ASB10: variants seen among roughly 807,000 people sequenced by gnomAD.
ASB10 encodes ankyrin repeat and SOCS box containing 10, also known as ankyrin repeat and SOCS box protein 10.
Under a neutral mutation model 35.4 loss-of-function variants are expected in ASB10, and 44 were observed. The ratio of observed to expected loss-of-function variants is 1.24; its 90% CI spans 0.98 to 1.60. ASB10 has a LOEUF of 1.60. Ranked by LOEUF, ASB10 falls within the 40% of genes most tolerant of loss-of-function variation. The probability of loss-of-function intolerance (pLI) is 0.00; values close to 1 mark genes in which losing one functional copy is unlikely to be tolerated. For missense variants in ASB10, 647 were observed against 634.3 expected, an observed-to-expected ratio of 1.02 and a Z score of -0.22; for synonymous variants, 294 against 280.4, an observed-to-expected ratio of 1.05 and a Z score of -0.49.
upstream of ASB10, chr7:151,187,709 T>C (rs1801630303): frequency 6.8e-7 from 1 of 1,472,366 alleles, no homozygotes; most frequent in African/African-American, 1.4e-5. This position sits in a 1 kb window ranked among gnomAD's most constrained non-coding sequence, Gnocchi z 5.3. Context: ...AGAGGAGTTC[T>C]TTCCCCAGGG....
chr7:151,181,549 C>A (rs924278227), intron 2 of ASB10, 91 bp from the exon 3 acceptor site: 3 of 1,450,282 alleles, frequency 2.1e-6, no homozygotes, highest in Middle Eastern at 1.8e-4. Context: ...TCTCCCCCCA[C>A]CCACCCTCCA....
rs776833039 is a variant in ASB10 at position 151,181,425 on chromosome 7, T to C, written c.618A>G (p.Arg206=). The change falls in exon 3 of 6, where the codon AGA becomes AGG. Residue 206 remains arginine (R), a synonymous_variant. Coordinates refer to ENST00000420175, the MANE Select transcript of ASB10 (RefSeq NM_001142459.2). The part of the protein sequence containing the change: ...CAELLLRFGA[R]VDGRSEEEEE... ...CTTCTTCCTCGGACCGACCATCCACTCTCGCTCCAAACCTGAGGAGCAGCT... is the reference window on the plus strand; with the variant it reads ...CTTCTTCCTCGGACCGACCATCCACCCTCGCTCCAAACCTGAGGAGCAGCT... The C allele has an allele frequency of 2.5e-6, 4 of 1,605,966 alleles. No individual in the cohort carries two copies. The highest frequency in any genetic ancestry group is 1.7e-6 in the Non-Finnish European group (2 of 1,175,070).
chr7:151,180,070 G>A (rs964337697), intron 3 of ASB10, among the ~76,000 whole-genome samples: 2 of 152,212 alleles, frequency 1.3e-5, no homozygotes, highest in African/African-American at 4.8e-5. Context: ...GGCTGGGTGG[G>A]ACAACACTCT....
At chr7:151,187,683 G>A (rs867347064), upstream of ASB10, 1 of 1,501,168 alleles carries the variant, frequency 6.7e-7, no homozygotes, top group Non-Finnish European at 8.9e-7. The surrounding 1 kb of genome is among the most constrained non-coding windows in gnomAD (Gnocchi z 5.3). Context: ...CACCCCAGAT[G>A]GTGTCCCCAG....
chr7:151,183,082 C>T (rs541582348), intron 2 of ASB10, among the ~76,000 whole-genome samples: 17 of 152,276 alleles, frequency 1.1e-4, no homozygotes, highest in East Asian at 1.9e-4. Flanking sequence ...CTGTGGCTAT[C>T]GAGTTCTTGA....
chr7:151,178,198 G>A (rs1469103878), intron 3 of ASB10, among the ~76,000 whole-genome samples: 5 of 152,348 alleles, frequency 3.3e-5, no homozygotes, highest in South Asian at 2.1e-4. Context: ...GCAGTGAGCC[G>A]GGATCGTGCC....
In ASB10 at chr7:151,181,453, G is replaced by T. The variant is rs151344607; in HGVS notation, c.590C>A (p.Ala197Glu). 6 of 1,588,234 alleles carry T rather than the reference G, an allele frequency of 3.8e-6. No individual in the cohort carries two copies. The highest frequency in any genetic ancestry group is 1.1e-5 in the South Asian group (1 of 88,170). The change falls in exon 3 of 6, where the codon GCG becomes GAG. Residue 197 changes from alanine (A) to glutamate (E), a missense_variant. Physicochemically the swap from Ala to Glu is moderately radical, Grantham distance 107. Transcript: ENST00000420175. ...CGCTCCAAACCTGAGGAGCAGCTCCGCACACCTATTGGGGGGAGACGGTGG... is the reference window on the plus strand; with the variant it reads ...CGCTCCAAACCTGAGGAGCAGCTCCTCACACCTATTGGGGGGAGACGGTGG... Reference protein sequence around the residue: ...LCRGPGTLECAELLLRFGARV... With the variant: ...LCRGPGTLECEELLLRFGARV...
chr7:151,187,758 C>T, upstream of ASB10: 1 of 1,450,086 alleles, frequency 6.9e-7, no homozygotes, highest in Non-Finnish European at 9.1e-7. This position sits in a 1 kb window ranked among gnomAD's most constrained non-coding sequence, Gnocchi z 5.3. Flanking sequence ...GCACGACTCC[C>T]AGCGATGTTG....
In ASB10 at chr7:151,181,217, G is replaced by T; in HGVS notation, c.826C>A (p.Leu276Met). The T allele has an allele frequency of 6.2e-7, 1 of 1,612,932 alleles. No individual in the cohort carries two copies. Among genetic ancestry groups the T allele is most frequent in the Non-Finnish European group, 8.5e-7 (1 of 1,179,892 alleles). ...CCAGCTGAAAGCAGCAAGCTGCACA[G>T]CTGCAGGCAGCGGGCGGTGGTGGCC... ...AEATTARCLQ[L>M]CSLLLSAGAD... The change falls in exon 3 of 6, where the codon CTG becomes ATG. Residue 276 changes from leucine to methionine, a missense_variant. Leu to Met is a conservative substitution (Grantham distance 15). Coordinates refer to ENST00000420175, the MANE Select transcript of ASB10 (RefSeq NM_001142459.2).
At chr7:151,179,163 T>C (rs1220524242) in intron 3 of ASB10, among the ~76,000 whole-genome samples, 1 of 152,250 alleles carries the variant, frequency 6.6e-6, no homozygotes, top group Non-Finnish European at 1.5e-5. Flanking sequence ...TGTTAAGCAC[T>C]AGGCTTGATG....
rs777336890 is a variant in ASB10, at chr7:151,176,270, A to G, written c.1246T>C (p.Phe416Leu). The G allele has an allele frequency of 1.3e-5, 21 of 1,567,174 alleles. No individual in the cohort carries two copies. Among genetic ancestry groups the G allele is most frequent in the South Asian group, 3.6e-5 (3 of 83,130 alleles). ...GACCTGGGCTGCCTCACCAAGGCGA[A>G]GAGGGAGGAGTAGAAACGCTGATGT... ...QKHQRFYSSL[F>L]ALVRQPRSLQ... The change falls in exon 5 of 6, where the codon TTC (phenylalanine) becomes CTC (leucine). Residue 416 changes from phenylalanine to leucine, a missense_variant. Coordinates refer to ENST00000420175, the MANE Select transcript of ASB10 (RefSeq NM_001142459.2).
intron 2 of ASB10, among the ~76,000 whole-genome samples, chr7:151,182,338 G>A (rs531430619): frequency 5.6e-4 from 85 of 152,288 alleles, no homozygotes; most frequent in African/African-American, 2.0e-3. Context: ...AGCACTTTGG[G>A]AGTCCAAGGC....
chr7:151,185,185 C>A (rs1170845325), intron 2 of ASB10, among the ~76,000 whole-genome samples: 3 of 138,656 alleles, frequency 2.2e-5, no homozygotes, highest in African/African-American at 8.1e-5. Context: ...GCAATCTAAT[C>A]TCCGCTCACT....
intron 2 of ASB10, among the ~76,000 whole-genome samples, chr7:151,182,158 G>A (rs915552460): frequency 2.0e-5 from 3 of 152,178 alleles, no homozygotes; most frequent in Admixed American, 2.0e-4. Context: ...GCTAGTAGGG[G>A]TAGGGCTGCT....
chr7:151,177,469 G>A (rs1801409809), intron 3 of ASB10, among the ~76,000 whole-genome samples: 1 of 152,260 alleles, frequency 6.6e-6, no homozygotes, highest in Admixed American at 6.5e-5. Context: ...GCCTCTACAA[G>A]GTTCTGGGCT....
At chr7:151,187,553 C>T, upstream of ASB10, 2 of 1,551,550 alleles carry the variant, frequency 1.3e-6, no homozygotes, top group Non-Finnish European at 1.7e-6. This position sits in a 1 kb window ranked among gnomAD's most constrained non-coding sequence, Gnocchi z 5.3. Flanking sequence ...TGCCAGGTCC[C>T]CGGTGTAGAG....
At chr7:151,176,042 C>T in intron 5 of ASB10, 70 bp downstream of exon 5, 37 of 1,551,156 alleles carry the variant, frequency 2.4e-5, no homozygotes, top group Non-Finnish European at 3.1e-5. Flanking sequence ...CCCTCCCCAA[C>T]CCTTCTCTTG....
rs200804626 is a variant in ASB10, at chr7:151,186,917, G to C, written c.214C>G (p.Arg72Gly). 6.2e-7 allele frequency: 1 copy of C among 1,613,560 alleles called. No homozygotes were observed. The highest frequency in any genetic ancestry group is 8.5e-7 in the Non-Finnish European group (1 of 1,180,014). ...VLAGDVGCVS[R>G]ILADSSTGLA... ...CCAGTACTGGAGTCCGCGAGGATGC[G>C]GGAGACACAGCCCACGTCCCCAGCC... Residue 72 changes from arginine (R) to glycine (G), a missense_variant, in exon 1 of 6, where the codon CGC (arginine) becomes GGC (glycine). Arg to Gly is a moderately radical substitution (Grantham distance 125). Coordinates refer to ENST00000420175, the MANE Select transcript of ASB10 (RefSeq NM_001142459.2).
chr7:151,181,518 C>A (rs931947604), intron 2 of ASB10, 60 bp from the exon 3 acceptor site: 15 of 1,500,382 alleles, frequency 1.0e-5, no homozygotes, highest in Non-Finnish European at 1.2e-5. Context: ...CAGGAACACA[C>A]TTGGGTGGCT....
Sources: gnomAD v4.1 joint callset for allele counts (sites outside exome capture counted in the v4.1 genomes callset) on GRCh38, gnomAD v4.1.1 for gene constraint, Gnocchi (gnomAD v3.1) non-coding constraint, MANE v1.5 for transcripts, NCBI Gene and HGNC (gene_info 2026-07-23, HGNC 2026-07-21) for gene names.